The following ILDR1 variants were observed in gnomAD, a reference collection of about 807,000 sequenced individuals.
The protein encoded by ILDR1 is immunoglobulin like domain containing receptor 1, also known as immunoglobulin-like domain-containing receptor 1.
A neutral mutation model predicts 62.4 loss-of-function variants in ILDR1; 56 were observed. The observed-to-expected ratio is 0.90, with a 90% CI of 0.72 to 1.12. ILDR1 has a LOEUF of 1.12. Ranked by LOEUF, ILDR1 falls within the 50% of genes most tolerant of loss-of-function variation. ILDR1 has a pLI of 0.00. For missense variants in ILDR1, 736 were observed against 710.6 expected (o/e 1.04, Z -0.41); for synonymous variants, 284 against 277.8 (o/e 1.02, Z -0.22).
the ILDR1 span, among the ~76,000 whole-genome samples, chr3:122,047,622 C>T: frequency 3.3e-5 from 5 of 152,158 alleles, no homozygotes; most frequent in African/African-American, 7.2e-5. Flanking sequence ...CGTGGTTCGC[C>T]GTTTTTTAAG....
chr3:122,005,213 C>CCCGTTCCCCTGA, intron 3 of ILDR1, 31 bp downstream of exon 3: 1 of 1,268,180 alleles, frequency 7.9e-7, no homozygotes. Context: ...CCCCCCACCC[C>CCCGTTCCCCTGA]CAGTTCCCCT....
chr3:122,059,713 T>A, the ILDR1 span, among the ~76,000 whole-genome samples: 2 of 152,134 alleles, frequency 1.3e-5, no homozygotes, highest in Non-Finnish European at 2.9e-5. Flanking sequence ...TTAAAATTCA[T>A]ATGTTGAAAT....
the ILDR1 span, among the ~76,000 whole-genome samples, chr3:122,049,360 T>C: frequency 2.4e-4 from 36 of 152,214 alleles, no homozygotes; most frequent in Non-Finnish European, 3.5e-4. Context: ...TGCTATTAGG[T>C]AGAATGTTCT....
chr3:122,025,986 T>C (rs2071919131), upstream of ILDR1, among the ~76,000 whole-genome samples: 1 of 152,156 alleles, frequency 6.6e-6, no homozygotes, highest in East Asian at 1.9e-4. Flanking sequence ...AAAATGAATA[T>C]GACTTTGCCA....
chr3:122,048,687 T>C, the ILDR1 span, among the ~76,000 whole-genome samples: 15 of 152,240 alleles, frequency 9.9e-5, no homozygotes, highest in African/African-American at 3.4e-4. Context: ...CCATTTCTTT[T>C]AGGTTATCCA....
At chr3:122,030,262 A>T in the ILDR1 span, among the ~76,000 whole-genome samples, 1 of 152,108 alleles carries the variant, frequency 6.6e-6, no homozygotes, top group Non-Finnish European at 1.5e-5. Flanking sequence ...GAAGAGGTTC[A>T]AGTCCTCAAG....
chr3:122,045,349 A>G, the ILDR1 span, among the ~76,000 whole-genome samples: 37 of 150,798 alleles, frequency 2.5e-4, no homozygotes, highest in African/African-American at 9.0e-4. Flanking sequence ...TATGTGGTCA[A>G]TTTTGGAATA....
In ILDR1 at chr3:121,993,680, T is replaced by C. The variant is rs1448131970; in HGVS notation, c.1069A>G (p.Ile357Val). The part of the protein sequence containing the change: ...DSLHQQWLTP[I>V]PSRPWDLREG... ...CTCAGATCCCAGGGCCTGGAGGGAA[T>C]TGGGGTGAGCCACTGCTGGTGCAGG... The change falls in exon 7 of 8, where the codon ATT becomes GTT. Residue 357 changes from isoleucine (I) to valine (V), a missense_variant. By Grantham distance (29) the Ile-to-Val change is conservative (BLOSUM62 3). Transcript: ENST00000344209. The C allele has an allele frequency of 3.7e-6, 6 of 1,613,994 alleles. No individual in the cohort carries two copies. The highest frequency in any genetic ancestry group is 5.1e-6 in the Non-Finnish European group (6 of 1,179,996).
chr3:122,005,868 C>T (rs1443244487), intron 2 of ILDR1, among the ~76,000 whole-genome samples: 5 of 152,058 alleles, frequency 3.3e-5, no homozygotes, highest in Admixed American at 3.3e-4. Context: ...CATTGCACTC[C>T]AGCCTGGGCA....
chr3:122,001,758 C>G lies in ILDR1; in HGVS notation c.486G>C (p.Lys162Asn). The G allele has an allele frequency of 1.1e-5, 17 of 1,612,612 alleles. No homozygotes were observed. The highest frequency in any genetic ancestry group is 1.4e-5 in the Non-Finnish European group (17 of 1,179,902). The change falls in exon 4 of 8, where the codon AAG becomes AAC. Residue 162 changes from lysine (K) to asparagine (N), a missense_variant. Lys to Asn is a moderately conservative substitution (Grantham distance 94). Coordinates refer to ENST00000344209, the MANE Select transcript of ILDR1 (RefSeq NM_001199799.2). ...AGTAGCACTTACGTAGGACGATGAG[C>G]TTTACTTCCTTATCGGGGTCTCCTG... ...DTSGDPDKEV[K>N]LIVLHWLTVI...
intron 1 of ILDR1, among the ~76,000 whole-genome samples, chr3:122,010,440 C>T (rs1367909633): frequency 1.3e-5 from 2 of 152,002 alleles, no homozygotes; most frequent in Non-Finnish European, 1.5e-5. Flanking sequence ...AAAAATAAAC[C>T]TTGAGTGGTT....
At chr3:122,034,851 T>G in the ILDR1 span, among the ~76,000 whole-genome samples, 2 of 152,190 alleles carry the variant, frequency 1.3e-5, no homozygotes, top group Non-Finnish European at 2.9e-5. Flanking sequence ...GAGAGAGCTG[T>G]GCAGGGGAAC....
chr3:122,055,503 G>A, the ILDR1 span: 4 of 1,613,836 alleles, frequency 2.5e-6, no homozygotes, highest in Non-Finnish European at 1.7e-6. Flanking sequence ...GATCCCCAGT[G>A]GTGAGTAATA....
chr3:122,007,321 G>T, intron 1 of ILDR1, 160 bp from the exon 2 acceptor site: 1 of 1,514,834 alleles, frequency 6.6e-7, no homozygotes, highest in Non-Finnish European at 8.9e-7. Flanking sequence ...GCAGGCTATG[G>T]GTGGGGTGGG....
At chr3:122,011,712 A>G (rs2071707413) in intron 1 of ILDR1, among the ~76,000 whole-genome samples, 1 of 57,986 alleles carries the variant, frequency 1.7e-5, no homozygotes. Flanking sequence ...GAGTCCCAGG[A>G]GAAGAGGTAC....
At chr3:122,054,514 G>A in the ILDR1 span, among the ~76,000 whole-genome samples, 1 of 151,664 alleles carries the variant, frequency 6.6e-6, no homozygotes, top group Non-Finnish European at 1.5e-5. Flanking sequence ...TTGTTCTGTT[G>A]TTTTTTGCCA....
chr3:121,993,657 C>G lies in ILDR1; in HGVS notation c.1092G>C (p.Leu364=). Residue 364 remains leucine, a synonymous_variant, in exon 7 of 8, where the codon CTG becomes CTC. Coordinates refer to ENST00000344209, the MANE Select transcript of ILDR1 (RefSeq NM_001199799.2). ...LTPIPSRPWD[L]REGRSHHHYP... ...AATGGTGGTGGCTTCTCCCCTCCCTCAGATCCCAGGGCCTGGAGGGAATTG... is the reference window on the plus strand; with the variant it reads ...AATGGTGGTGGCTTCTCCCCTCCCTGAGATCCCAGGGCCTGGAGGGAATTG... 1 of 1,614,228 alleles carries G rather than the reference C, an allele frequency of 6.2e-7. No individual in the cohort carries two copies.
chr3:122,012,931 G>C (rs979138686), intron 1 of ILDR1, among the ~76,000 whole-genome samples: 6 of 152,162 alleles, frequency 3.9e-5, no homozygotes, highest in Admixed American at 2.0e-4. Context: ...AGCTTGCCAG[G>C]CTCTGTGAAA....
chr3:122,003,994 G>A (rs2071567092), intron 3 of ILDR1, among the ~76,000 whole-genome samples: 1 of 151,656 alleles, frequency 6.6e-6, no homozygotes, highest in Non-Finnish European at 1.5e-5. Flanking sequence ...CTAAAACTGA[G>A]GGCTGGCTTG....
Sources: gnomAD v4.1 joint callset for allele counts (sites outside exome capture counted in the v4.1 genomes callset) on GRCh38, gnomAD v4.1.1 for gene constraint, MANE v1.5 for transcripts, NCBI Gene and HGNC (gene_info 2026-07-23, HGNC 2026-07-21) for gene names.